Variants in JAML observed in about 807,000 individuals in gnomAD.
The protein encoded by JAML is junctional adhesion molecule-like.
A neutral mutation model predicts 39.3 loss-of-function variants in JAML; 25 were observed. The ratio of observed to expected loss-of-function variants is 0.64; its 90% confidence interval spans 0.46 to 0.89. The LOEUF is 0.89. Ranked by LOEUF, JAML falls within the 40% of genes least tolerant of loss-of-function variation. The probability of loss-of-function intolerance (pLI) is 0.00; values close to 1 mark genes in which losing one functional copy is unlikely to be tolerated. For synonymous variants in JAML, 162 were observed against 179.2 expected, an observed-to-expected ratio of 0.90 and a Z score of 0.77; for missense variants, 440 against 486.9, an observed-to-expected ratio of 0.90 and a Z score of 0.91.
chr11:118,210,622 T>G lies in JAML; in HGVS notation c.289A>C (p.Asn97His), dbSNP rs1949033936. The G allele has an allele frequency of 6.2e-7, 1 of 1,614,086 alleles. No homozygotes were observed. Among genetic ancestry groups the G allele is most frequent in the African/African-American group, 1.3e-5 (1 of 74,932 alleles). ...RVHLMGDILC[N>H]DGSLLLQDVQ... ...TCTTGGAGCAGGAGAGAGCCATCATTGCATAAGATGTCCCCCATCAAGTGT... is the reference window on the plus strand; with the variant it reads ...TCTTGGAGCAGGAGAGAGCCATCATGGCATAAGATGTCCCCCATCAAGTGT... Residue 97 changes from asparagine (N) to histidine (H), a missense_variant, in exon 4 of 10, where the codon AAT becomes CAT. Transcript: ENST00000356289.
At chr11:118,199,108 AC>A (rs1948721848) in intron 7 of JAML, among the ~76,000 whole-genome samples, 1 of 152,212 alleles carries the variant, frequency 6.6e-6, no homozygotes, top group African/African-American at 2.4e-5. Flanking sequence ...TGACTGGTTC[AC>A]TGAATCGTTG....
intron 2 of JAML, chr11:118,213,247 C>T (rs1223380047): frequency 1.6e-6 from 2 of 1,220,636 alleles, no homozygotes; most frequent in Non-Finnish European, 2.1e-6. Context: ...AAGAAAAAAC[C>T]ATTACATGGA....
intron 2 of JAML, chr11:118,212,998 T>C (rs2134670955): frequency 1.2e-6 from 2 of 1,613,058 alleles, no homozygotes; most frequent in East Asian, 4.5e-5. Flanking sequence ...TTACTTCCTC[T>C]TTTCCCTTTC....
chr11:118,223,458 A>G (rs1222048733), intron 1 of JAML, among the ~76,000 whole-genome samples: 4 of 152,218 alleles, frequency 2.6e-5, no homozygotes, highest in Admixed American at 1.3e-4. Flanking sequence ...TAATATACTA[A>G]TGCAAAGGTG....
At chr11:118,221,938 A>G (rs1591483607) in intron 1 of JAML, among the ~76,000 whole-genome samples, 1 of 152,300 alleles carries the variant, frequency 6.6e-6, no homozygotes, top group African/African-American at 2.4e-5. Flanking sequence ...CTTAAGGTTT[A>G]TTAATTTCAC....
In JAML at chr11:118,200,494, C is replaced by T. The variant is rs1948762626; in HGVS notation, c.891G>A (p.Lys297=). Residue 297 remains lysine (K), a synonymous_variant, in exon 7 of 10, where the codon AAG becomes AAA. Transcript: ENST00000356289. The stretch of plus-strand genomic sequence containing the variant: ...TGTACCTCTTATTTCCACAGGTCTT[C>T]TTCACGATCAATATCAGAACAGGGA... ...LLLPVLILIV[K]KTCGNKSSVN... 6.2e-7 allele frequency: 1 copy of T among 1,614,132 alleles called. No homozygotes were observed. The highest frequency in any genetic ancestry group is 2.2e-5 in the East Asian group (1 of 44,876).
chr11:118,208,451 A>G (rs1948968540), intron 4 of JAML, among the ~76,000 whole-genome samples: 1 of 152,242 alleles, frequency 6.6e-6, no homozygotes, highest in Non-Finnish European at 1.5e-5. Context: ...CATTCCACAA[A>G]TGCTTATTAA....
At position 118,210,657 on chromosome 11, in the gene JAML, T is replaced by C; in HGVS notation, c.254A>G (p.Gln85Arg). ...SNLSVPIGRF[Q>R]NRVHLMGDIL... ...GTCCCCCATCAAGTGTACGCGGTTC[T>C]GGAAGCGCCCAATAGGCACACTGAG... The change falls in exon 4 of 10, where the codon CAG becomes CGG. Residue 85 changes from glutamine (Q) to arginine (R), a missense_variant. Physicochemically the swap from Gln to Arg is conservative, Grantham distance 43. Transcript: ENST00000356289. 6.2e-7 allele frequency: 1 copy of C among 1,614,218 alleles called. No homozygotes were observed.
chr11:118,200,733 A>C, intron 6 of JAML, 121 bp from the exon 7 acceptor site: 1 of 1,111,480 alleles, frequency 9.0e-7, no homozygotes, highest in Non-Finnish European at 1.3e-6. Context: ...GCCAGACTCC[A>C]CCCCATATCT....
intron 8 of JAML, 22 bp from the exon 9 acceptor site, chr11:118,196,843 A>T: frequency 6.4e-7 from 1 of 1,563,866 alleles, no homozygotes; most frequent in Non-Finnish European, 8.8e-7. Context: ...AAATGGTACA[A>T]AAATTCCTAA....
In JAML at chr11:118,203,650, G is replaced by A. The variant is rs774147626; in HGVS notation, c.550C>T (p.Arg184Cys). 27 of 1,612,262 alleles carry A rather than the reference G, an allele frequency of 1.7e-5. No homozygotes were observed. The highest frequency in any genetic ancestry group is 9.3e-5 in the African/African-American group (7 of 74,928). ...GACATCCTGAGTTTGTGGTAGTAAC[G>A]AAATACAATCTCCTCCTAGAAGTGA... The part of the protein sequence containing the change: ...GRRAKEEIVF[R>C]YYHKLRMSVE... The change falls in exon 6 of 10, where the codon CGT becomes TGT. Residue 184 changes from arginine (R) to cysteine (C), a missense_variant. Coordinates refer to ENST00000356289, the MANE Select transcript of JAML (RefSeq NM_001098526.2).
rs777565311 is a variant in JAML, at chr11:118,196,688, C to G, written c.1092+47G>C. Reference sequence around the variant, plus strand: ...CCAGCCACGCCCACCACCACCACCACCTGAGCCTCTGACACCTGGCTCAGC... The same window carrying G: ...CCAGCCACGCCCACCACCACCACCAGCTGAGCCTCTGACACCTGGCTCAGC... On this transcript the variant is annotated intron_variant, in intron 9 of 9. Coordinates refer to ENST00000356289, the MANE Select transcript of JAML (RefSeq NM_001098526.2). 3 of 1,534,364 alleles carry G rather than the reference C, an allele frequency of 2.0e-6. No individual in the cohort carries two copies. In the South Asian group the frequency reaches 3.4e-5, roughly 17 times the overall value.
At chr11:118,199,693 ATTTTT>A (rs34379845) in intron 7 of JAML, among the ~76,000 whole-genome samples, 5 of 107,120 alleles carry the variant, frequency 4.7e-5, no homozygotes, top group Admixed American at 1.0e-4. Flanking sequence ...TATTATTATT[ATTTTT>A]TTTTTTTTTT....
At position 118,203,618 on chromosome 11, in the gene JAML, C is replaced by T; in HGVS notation, c.582G>A (p.Glu194=). The T allele has an allele frequency of 2.5e-6, 4 of 1,614,150 alleles. No individual in the cohort carries two copies. The highest frequency in any genetic ancestry group is 2.5e-6 in the Non-Finnish European group (3 of 1,180,012). The change falls in exon 6 of 10, where the codon GAG becomes GAA. Residue 194 remains glutamate, a synonymous_variant. Coordinates refer to ENST00000356289, the MANE Select transcript of JAML (RefSeq NM_001098526.2). The part of the protein sequence containing the change: ...RYYHKLRMSV[E]YSQSWGHFQN... ...GGAAGTGGCCCCAGCTCTGGGAGTA[C>T]TCCACAGACATCCTGAGTTTGTGGT...
intron 1 of JAML, among the ~76,000 whole-genome samples, chr11:118,220,719 G>A (rs781310033): frequency 6.6e-6 from 1 of 152,166 alleles, no homozygotes; most frequent in African/African-American, 2.4e-5. Context: ...CTCCCTCCAG[G>A]TTGCCCTAAG....
chr11:118,202,783 G>C, intron 6 of JAML: 1 of 374,688 alleles, frequency 2.7e-6, no homozygotes, highest in East Asian at 7.2e-5. Flanking sequence ...ACTCCTGAAG[G>C]CCCTAGCGAC....
intron 6 of JAML, chr11:118,201,524 C>T (rs1372974183): frequency 6.6e-6 from 1 of 152,152 alleles, no homozygotes; most frequent in Non-Finnish European, 1.5e-5. Flanking sequence ...CAGGAAGGAC[C>T]TTGACTATCT....
At chr11:118,207,865 CCT>C (rs1469173276) in intron 4 of JAML, among the ~76,000 whole-genome samples, 1 of 152,096 alleles carries the variant, frequency 6.6e-6, no homozygotes, top group Non-Finnish European at 1.5e-5. Context: ...CTTGTGGTTC[CCT>C]CTGTGTCTCT....
chr11:118,196,428 G>A (rs1217758657), intron 9 of JAML, among the ~76,000 whole-genome samples: 2 of 152,170 alleles, frequency 1.3e-5, no homozygotes, highest in East Asian at 3.9e-4. Context: ...ACACCCGGCC[G>A]TGTTTTCTTT....
Sources: gnomAD v4.1 joint callset for allele counts (sites outside exome capture counted in the v4.1 genomes callset) on GRCh38, gnomAD v4.1.1 for gene constraint, MANE v1.5 for transcripts, NCBI Gene and HGNC (gene_info 2026-07-23, HGNC 2026-07-21) for gene names.